Variants in ZNF608 observed in about 807,000 individuals in gnomAD.
The protein encoded by ZNF608 is renal carcinoma antigen NY-REN-36.
Under a neutral mutation model 109.0 loss-of-function variants are expected in ZNF608, and 12 were observed. The observed-to-expected ratio is 0.11, with a 90% CI of 0.07 to 0.18. The LOEUF is 0.18. Among genes scored for constraint, ZNF608 ranks in the 10% least tolerant of loss-of-function variants. The pLI, the probability that ZNF608 is intolerant of heterozygous loss-of-function variation, is 1.00. For missense variants in ZNF608, 1,707 were observed against 1,879.3 expected (o/e 0.91, Z 1.70); for synonymous variants, 732 against 717.4 (o/e 1.02, Z -0.33).
rs533684241 is a variant in ZNF608, at chr5:124,701,036, G to A, written c.1140C>T (p.Ile380=). Residue 380 remains isoleucine (I), a synonymous_variant, in exon 3 of 10, where the codon ATC becomes ATT. Transcript: ENST00000513986. The part of the protein sequence containing the change: ...EPGTSVNLEG[I]VWHETEEGVL... ...TACCTTCTTCTGTTTCATGCCACAC[G>A]ATCCCTTCCAAATTCACACTGGTCC... The A allele has an allele frequency of 9.9e-6, 16 of 1,614,054 alleles. No homozygotes were observed. Among genetic ancestry groups the A allele is most frequent in the Admixed American group, 8.3e-5 (5 of 60,014 alleles).
intron 3 of ZNF608, among the ~76,000 whole-genome samples, chr5:124,668,198 AT>A (rs1751561988): frequency 0.012 from 72 of 5,766 alleles, no homozygotes; most frequent in Admixed American, 0.061. Flanking sequence ...GCTTAAAAAT[AT>A]ATATATATAT....
chr5:124,648,087 G>C lies in ZNF608; in HGVS notation c.2297C>G (p.Pro766Arg), dbSNP rs1401477124. Residue 766 changes from proline to arginine, a missense_variant, in exon 5 of 10, where the codon CCC (proline) becomes CGC (arginine). Coordinates refer to ENST00000513986, the MANE Select transcript of ZNF608 (RefSeq NM_020747.3). Reference protein sequence around the residue: ...TFTTTTTGTIPGLPSLTTTVV... With the variant: ...TFTTTTTGTIRGLPSLTTTVV... ...AGTTGTTGTGAGGGAGGGCAGTCCG[G>C]GTATTGTCCCAGTGGTGGTCGTTGT... The C allele has an allele frequency of 6.2e-7, 1 of 1,614,040 alleles. No individual in the cohort carries two copies. The highest frequency in any genetic ancestry group is 8.5e-7 in the Non-Finnish European group (1 of 1,180,034).
intron 3 of ZNF608, among the ~76,000 whole-genome samples, chr5:124,675,876 T>A (rs774249979): frequency 2.0e-5 from 3 of 152,178 alleles, no homozygotes; most frequent in Non-Finnish European, 4.4e-5. Context: ...AAGTACTAAA[T>A]TCTTGATGAA....
rs1277085283 is a variant in ZNF608 at position 124,702,510 on chromosome 5, TTTG to T, written c.907-1244_907-1242del. Among the ~76,000 whole-genome samples, 252 of 151,846 alleles carry T rather than the reference TTTG, an allele frequency of 1.7e-3. 2 individuals are homozygous for T. Among genetic ancestry groups the T allele is most frequent in the African/African-American group, 5.6e-3 (230 of 41,424 alleles). ...TCTTTGTTGGGTTTTGGTTTTTTTTTTTGAAAAGAAACAAAACAAAAAGAGTGT... is the reference window on the plus strand; with the variant it reads ...TCTTTGTTGGGTTTTGGTTTTTTTTTAAAAGAAACAAAACAAAAAGAGTGT... On this transcript the variant is annotated intron_variant, in intron 2 of 9. Coordinates refer to ENST00000513986, the MANE Select transcript of ZNF608 (RefSeq NM_020747.3).
intron 2 of ZNF608, among the ~76,000 whole-genome samples, chr5:124,738,367 G>A (rs1310893157): frequency 6.6e-6 from 1 of 152,206 alleles, no homozygotes; most frequent in African/African-American, 2.4e-5. Context: ...TGTAATACAA[G>A]TAATTTAGGA....
rs2149776923 is a variant in ZNF608 at position 124,637,607 on chromosome 5, A to G, written c.*293T>C. Reference sequence around the variant, plus strand: ...TTTACTGAGTGGTTTGCGACGTGGCAGCAGACCCTGTGTGTGCGAGCCTGG... The same window carrying G: ...TTTACTGAGTGGTTTGCGACGTGGCGGCAGACCCTGTGTGTGCGAGCCTGG... On this transcript the variant is annotated 3_prime_UTR_variant, in exon 10 of 10. Transcript: ENST00000513986. 6.0e-6 allele frequency: 1 copy of G among 166,246 alleles called. No individual in the cohort carries two copies. Among genetic ancestry groups the G allele is most frequent in the East Asian group, 1.7e-4 (1 of 5,942 alleles). The allele number at this position is 166,246 out of a possible 1,614,324, so 10.3% of individuals were successfully genotyped here. A position where few individuals can be genotyped will look rare whatever the true frequency, so the allele number is the denominator to read the frequency against.
At chr5:124,672,733 T>A (rs1751780436) in intron 3 of ZNF608, among the ~76,000 whole-genome samples, 1 of 152,172 alleles carries the variant, frequency 6.6e-6, no homozygotes, top group Admixed American at 6.5e-5. Flanking sequence ...GGAAAAGTGA[T>A]TACCAATTAA....
chr5:124,701,207 C>T lies in ZNF608; in HGVS notation c.969G>A (p.Gln323=). 6.2e-7 allele frequency: 1 copy of T among 1,614,136 alleles called. No individual in the cohort carries two copies. The highest frequency in any genetic ancestry group is 8.5e-7 in the Non-Finnish European group (1 of 1,180,022). The part of the protein sequence containing the change: ...PPPISSSLTP[Q]ILPSYFSPSS... ...ATGGGGAAAAGTAGGAGGGTAGAAT[C>T]TGAGGCGTGAGACTGCTGGAAATCG... is the stretch of plus-strand genomic sequence containing the variant. Residue 323 remains glutamine, a synonymous_variant, in exon 3 of 10, where the codon CAG becomes CAA. Transcript: ENST00000513986.
At position 124,646,979 on chromosome 5, in the gene ZNF608, C is replaced by A; in HGVS notation, c.3405G>T (p.Leu1135Phe). The change falls in exon 5 of 10, where the codon TTG becomes TTT. Residue 1135 changes from leucine (L) to phenylalanine (F), a missense_variant. Leu to Phe is a conservative substitution (Grantham distance 22, BLOSUM62 0). This residue lies in a region of ZNF608 where 1,073 missense variants were observed against 1,133.5 expected (regional missense o/e 0.95). Transcript: ENST00000513986. ...TAGTTTCCTCCTTGCCCAGCTCTTT[C>A]AAGGGGAGCTCACTTTTCCTTTCAC... is the stretch of plus-strand genomic sequence containing the variant. ...GDCERKSELP[L>F]KELGKEETKQ... 1 of 1,614,086 alleles carries A rather than the reference C, an allele frequency of 6.2e-7. No homozygotes were observed. Among genetic ancestry groups the A allele is most frequent in the Non-Finnish European group, 8.5e-7 (1 of 1,179,990 alleles).
Position 124,656,011 on chromosome 5 carries a change from G to T in ZNF608, c.1163-6314C>A, listed in dbSNP as rs547124668. On this transcript the variant is annotated intron_variant, in intron 3 of 9. Coordinates refer to ENST00000513986, the MANE Select transcript of ZNF608 (RefSeq NM_020747.3). ...CACTAGGACAGGAAAAGTAAGTGTTGTCACATGACCATAAAATGCAGTATG... is the reference window on the plus strand; with the variant it reads ...CACTAGGACAGGAAAAGTAAGTGTTTTCACATGACCATAAAATGCAGTATG... 1.1e-4 allele frequency among the ~76,000 whole-genome samples: 17 copies of T among 152,262 alleles called. No individual in the cohort carries two copies. In the South Asian group the frequency reaches 3.3e-3, roughly 30 times the overall value.
At chr5:124,665,180 C>CAAA (rs5871098) in intron 3 of ZNF608, among the ~76,000 whole-genome samples, 2 of 135,592 alleles carry the variant, frequency 1.5e-5, no homozygotes, top group South Asian at 2.3e-4. Context: ...CACCTCCCCC[C>CAAA]AAAAAAAAAA....
chr5:124,654,777 G>C (rs959238828), intron 3 of ZNF608, among the ~76,000 whole-genome samples: 1 of 152,184 alleles, frequency 6.6e-6, no homozygotes, highest in Non-Finnish European at 1.5e-5. Flanking sequence ...TTTCTGTCTG[G>C]CTGCAATGGA....
intron 3 of ZNF608, among the ~76,000 whole-genome samples, chr5:124,694,250 C>T (rs1296531167): frequency 1.3e-5 from 2 of 149,586 alleles, no homozygotes; most frequent in South Asian, 2.1e-4. Flanking sequence ...GCCTCGGCCT[C>T]CCAAATTGCT....
chr5:124,641,548 G>A, intron 7 of ZNF608, 143 bp from the exon 8 acceptor site: 1 of 972,362 alleles, frequency 1.0e-6, no homozygotes, highest in Non-Finnish European at 1.4e-6. Flanking sequence ...TAACTAAAGA[G>A]AATTTCAAAA....
intron 3 of ZNF608, among the ~76,000 whole-genome samples, chr5:124,658,007 A>G (rs1751087696): frequency 6.6e-6 from 1 of 152,216 alleles, no homozygotes; most frequent in South Asian, 2.1e-4. Context: ...AAAATAAAAT[A>G]TATGTACTGC....
chr5:124,746,774 T>A, upstream of ZNF608: 1 of 984,898 alleles, frequency 1.0e-6, no homozygotes, highest in Non-Finnish European at 1.2e-6. Context: ...ACAGATTTGA[T>A]TTCTTGAACT....
intron 2 of ZNF608, among the ~76,000 whole-genome samples, chr5:124,712,114 T>G (rs1753516604): frequency 6.6e-6 from 1 of 151,948 alleles, no homozygotes; most frequent in South Asian, 2.1e-4. Context: ...ACCATTGCAC[T>G]CCAGCCCGGG....
At chr5:124,689,839 T>A (rs145150254) in intron 3 of ZNF608, among the ~76,000 whole-genome samples, 32 of 152,328 alleles carry the variant, frequency 2.1e-4, no homozygotes, top group Non-Finnish European at 3.8e-4. Flanking sequence ...CTAAACATAC[T>A]CTTACCAGAT....
chr5:124,651,009 A>C (rs1486002886), intron 3 of ZNF608, among the ~76,000 whole-genome samples: 1 of 152,184 alleles, frequency 6.6e-6, no homozygotes, highest in African/African-American at 2.4e-5. Context: ...TCAAAAGGAG[A>C]TTTTAAAATT....
Sources: allele counts gnomAD v4.1 joint callset (sites outside exome capture counted in the v4.1 genomes callset), GRCh38; gene constraint gnomAD v4.1.1; regional missense constraint gnomAD v4.1.1; transcripts MANE v1.5; gene names NCBI Gene and HGNC (gene_info 2026-07-23, HGNC 2026-07-21).